The following EDAR variants were observed in gnomAD, a reference collection of about 807,000 sequenced individuals.
EDAR encodes the protein ectodysplasin A receptor, also known as tumor necrosis factor receptor superfamily member EDAR.
A neutral mutation model predicts 51.3 loss-of-function variants in EDAR; 38 were observed. The observed-to-expected ratio is 0.74, with a 90% CI of 0.57 to 0.97. EDAR has a LOEUF of 0.97. EDAR is among the 50% of genes least tolerant of loss of function. The pLI is 0.00. For missense variants in EDAR, 528 were observed against 595.0 expected, an observed-to-expected ratio of 0.89 and a Z score of 1.17; for synonymous variants, 227 against 242.1, an observed-to-expected ratio of 0.94 and a Z score of 0.58.
chr2:108,907,719 C>T, intron 10 of EDAR, 141 bp downstream of exon 10: 2 of 938,912 alleles, frequency 2.1e-6, no homozygotes. Context: ...GTGAACTTGT[C>T]ACTGTCCAGG....
At chr2:108,946,753 C>T (rs1697720887) in intron 1 of EDAR, among the ~76,000 whole-genome samples, 1 of 152,174 alleles carries the variant, frequency 6.6e-6, no homozygotes, top group Non-Finnish European at 1.5e-5. Context: ...ATCATGAGAA[C>T]ATCATGGGGG....
intron 1 of EDAR, among the ~76,000 whole-genome samples, chr2:108,941,802 GCCCTCACTAC>G (rs1697603749): frequency 6.6e-6 from 1 of 152,224 alleles, no homozygotes; most frequent in East Asian, 1.9e-4. Flanking sequence ...CATGTGTGAG[GCCCTCACTAC>G]GCAAGGGCAC....
intron 1 of EDAR, among the ~76,000 whole-genome samples, chr2:108,973,090 A>G (rs1281500953): frequency 6.6e-6 from 1 of 152,110 alleles, no homozygotes; most frequent in African/African-American, 2.4e-5. Context: ...AGGTTCAAGC[A>G]CCTCTCATGC....
In EDAR at chr2:108,894,507, TAA is replaced by T. The variant is rs1491423654; in HGVS notation, c.*2398_*2399del. On this transcript the variant is annotated 3_prime_UTR_variant, in exon 12 of 12. Coordinates refer to ENST00000258443, the MANE Select transcript of EDAR (RefSeq NM_022336.4). The stretch of plus-strand genomic sequence containing the variant: ...TGTTTATTGAGATTATAAAATATAA[TAA>T]GTTATATATATACAGAATTAGACAA... The T allele has an allele frequency of 3.3e-5, 5 of 152,566 alleles. No homozygotes were observed. Among genetic ancestry groups the T allele is most frequent in the Non-Finnish European group, 7.4e-5 (5 of 67,998 alleles). The allele number at this position is 152,566 out of a possible 1,614,324, so 9.5% of individuals were successfully genotyped here.
chr2:108,910,576 G>T, intron 8 of EDAR, 44 bp from the exon 9 acceptor site: 1 of 1,541,590 alleles, frequency 6.5e-7, no homozygotes, highest in Non-Finnish European at 9.0e-7. Flanking sequence ...GTTAGAATTG[G>T]CTCATGGCTC....
At chr2:108,956,436 C>A (rs936430309) in intron 1 of EDAR, among the ~76,000 whole-genome samples, 2 of 152,192 alleles carry the variant, frequency 1.3e-5, no homozygotes, top group Non-Finnish European at 2.9e-5. Context: ...CCACTCAAAT[C>A]CCTCCATGTC....
At chr2:108,972,963 G>T (rs1171476204) in intron 1 of EDAR, among the ~76,000 whole-genome samples, 1 of 152,184 alleles carries the variant, frequency 6.6e-6, no homozygotes, top group Admixed American at 6.5e-5. Context: ...GTCTCAGCAG[G>T]TGTTTATTTT....
At chr2:108,984,128 T>C (rs2104484858) in intron 1 of EDAR, among the ~76,000 whole-genome samples, 1 of 152,212 alleles carries the variant, frequency 6.6e-6, no homozygotes, top group Admixed American at 6.5e-5. Flanking sequence ...ATGGATCCCT[T>C]TGGCATGTGT....
At chr2:108,921,143 C>T (rs1036591047) in intron 5 of EDAR, among the ~76,000 whole-genome samples, 1 of 152,058 alleles carries the variant, frequency 6.6e-6, no homozygotes, top group Non-Finnish European at 1.5e-5. Flanking sequence ...GAGAAGCTGC[C>T]GTCTCTTTAA....
At chr2:108,946,711 A>C (rs1697720117) in intron 1 of EDAR, among the ~76,000 whole-genome samples, 1 of 152,182 alleles carries the variant, frequency 6.6e-6, no homozygotes, top group African/African-American at 2.4e-5. Flanking sequence ...GATACATATC[A>C]AACAACCAGA....
intron 1 of EDAR, among the ~76,000 whole-genome samples, chr2:108,953,281 C>T (rs917016699): frequency 2.0e-5 from 3 of 152,174 alleles, no homozygotes; most frequent in African/African-American, 7.2e-5. Flanking sequence ...TCTCTGTTGT[C>T]TGCTAGCTTG....
intron 1 of EDAR, among the ~76,000 whole-genome samples, chr2:108,960,756 T>C (rs1698022914): frequency 6.6e-6 from 1 of 152,352 alleles, no homozygotes; most frequent in Non-Finnish European, 1.5e-5. Context: ...TTACTATGTA[T>C]AGATATATAG....
intron 1 of EDAR, among the ~76,000 whole-genome samples, chr2:108,970,801 C>T (rs188788172): frequency 2.0e-5 from 3 of 152,280 alleles, no homozygotes; most frequent in Admixed American, 2.0e-4. Context: ...TCGGAAAATA[C>T]ACTTTAATTT....
At chr2:108,969,747 C>T (rs2104435694) in intron 1 of EDAR, among the ~76,000 whole-genome samples, 1 of 152,218 alleles carries the variant, frequency 6.6e-6, no homozygotes, top group African/African-American at 2.4e-5. Context: ...GAGCTGCAGT[C>T]CCAGGGGCTT....
At chr2:108,949,571 T>C (rs1450870783) in intron 1 of EDAR, among the ~76,000 whole-genome samples, 1 of 152,216 alleles carries the variant, frequency 6.6e-6, no homozygotes. Flanking sequence ...TTGCAATTAA[T>C]TGCATCATAA....
At chr2:108,908,789 T>G (rs1427421688) in intron 9 of EDAR, among the ~76,000 whole-genome samples, 1 of 152,188 alleles carries the variant, frequency 6.6e-6, no homozygotes, top group African/African-American at 2.4e-5. Flanking sequence ...AGACCTTTTT[T>G]TCTTAAAAAA....
Position 108,896,957 on chromosome 2 carries a change from C to T in EDAR, c.1297G>A (p.Glu433Lys). 1 of 1,613,622 alleles carries T rather than the reference C, an allele frequency of 6.2e-7. No homozygotes were observed. The highest frequency in any genetic ancestry group is 8.5e-7 in the Non-Finnish European group (1 of 1,179,848). Reference sequence around the variant, plus strand: ...GCAGGTGGCACAACCCCCGCCCACTCCAGTATGTCTGCACACAAGGACTCC... The same window carrying T: ...GCAGGTGGCACAACCCCCGCCCACTTCAGTATGTCTGCACACAAGGACTCC... ...AVESLCADIL[E>K]WAGVVPPASQ... The change falls in exon 12 of 12, where the codon GAG becomes AAG. Residue 433 changes from glutamate (E) to lysine (K), a missense_variant. Glu to Lys is a moderately conservative substitution (Grantham distance 56, BLOSUM62 1). Transcript: ENST00000258443.
chr2:108,972,771 A>C (rs1423253284), intron 1 of EDAR, among the ~76,000 whole-genome samples: 1 of 152,216 alleles, frequency 6.6e-6, no homozygotes, highest in Non-Finnish European at 1.5e-5. Context: ...GCTGAGACTC[A>C]GAAGGGGGTG....
At chr2:108,907,646 C>T (rs1696836046) in intron 10 of EDAR, among the ~76,000 whole-genome samples, 1 of 32,062 alleles carries the variant, frequency 3.1e-5, no homozygotes, top group African/African-American at 1.2e-4. Context: ...AGACTCTCAT[C>T]TCCAAAAAAA....
Sources: gnomAD v4.1 joint callset for allele counts (sites outside exome capture counted in the v4.1 genomes callset) on GRCh38, gnomAD v4.1.1 for gene constraint, MANE v1.5 for transcripts, NCBI Gene and HGNC (gene_info 2026-07-23, HGNC 2026-07-21) for gene names.